BMP6: variants seen among roughly 807,000 people sequenced by gnomAD.
The protein encoded by BMP6 is bone morphogenetic protein 6.
In BMP6, 17 loss-of-function variants were observed where a neutral mutation model predicts 54.1. The ratio of observed to expected loss-of-function variants is 0.31; its 90% CI spans 0.22 to 0.47. The LOEUF (loss-of-function observed/expected upper bound fraction) is 0.47. BMP6 is among the 20% of genes least tolerant of loss of function. The pLI is 1.00. For missense variants in BMP6, 720 were observed against 690.4 expected (o/e 1.04, Z -0.48); for synonymous variants, 328 against 291.2 (o/e 1.13, Z -1.28).
At chr6:7,862,267 A>G (rs1759346215) in intron 3 of BMP6, 34 bp from the exon 4 acceptor site, 5 of 1,610,484 alleles carry the variant, frequency 3.1e-6, no homozygotes, top group Non-Finnish European at 3.4e-6. Flanking sequence ...GTTTCTGTGG[A>G]ATAAAGAGAT....
chr6:7,870,203 G>T (rs1192140556), intron 4 of BMP6, among the ~76,000 whole-genome samples: 1 of 152,194 alleles, frequency 6.6e-6, no homozygotes, highest in Non-Finnish European at 1.5e-5. Context: ...CTTGGGAGAG[G>T]GATTTCAGAG....
intron 4 of BMP6, among the ~76,000 whole-genome samples, chr6:7,866,061 T>A (rs1024191980): frequency 6.6e-6 from 1 of 152,250 alleles, no homozygotes; most frequent in Non-Finnish European, 1.5e-5. Flanking sequence ...TACTTGGCTT[T>A]CAAGCTGGAC....
intron 1 of BMP6, among the ~76,000 whole-genome samples, chr6:7,750,893 C>A (rs1474340035): frequency 1.3e-5 from 2 of 152,218 alleles, no homozygotes; most frequent in Non-Finnish European, 2.9e-5. Flanking sequence ...ATTCTGCCCA[C>A]CTTGCTTCTT....
chr6:7,857,148 G>A (rs191513518), intron 2 of BMP6, among the ~76,000 whole-genome samples: 10 of 152,150 alleles, frequency 6.6e-5, no homozygotes, highest in African/African-American at 2.4e-4. Flanking sequence ...GTGATGGGAG[G>A]GATATGCAGG....
chr6:7,836,818 T>G (rs755763148), intron 1 of BMP6, among the ~76,000 whole-genome samples: 18 of 152,348 alleles, frequency 1.2e-4, no homozygotes, highest in Admixed American at 1.1e-3. Flanking sequence ...AGCTCAGTCT[T>G]TGTATTACAA....
intron 1 of BMP6, among the ~76,000 whole-genome samples, chr6:7,749,412 C>A (rs189426694): frequency 6.6e-6 from 1 of 152,286 alleles, no homozygotes; most frequent in Admixed American, 6.5e-5. Context: ...TCCCTTCATT[C>A]CTATTTCCAC....
chr6:7,735,542 G>A (rs573651600), intron 1 of BMP6, among the ~76,000 whole-genome samples: 2 of 152,116 alleles, frequency 1.3e-5, no homozygotes, highest in South Asian at 2.1e-4. Flanking sequence ...CTCCCATATC[G>A]GAATAAGTTA....
chr6:7,764,400 TTA>T (rs1462025043), intron 1 of BMP6, among the ~76,000 whole-genome samples: 1 of 152,206 alleles, frequency 6.6e-6, no homozygotes, highest in African/African-American at 2.4e-5. Context: ...CAGCTTGTAT[TTA>T]TATCAGTTAT....
chr6:7,859,179 TG>T (rs1441886090), intron 2 of BMP6, among the ~76,000 whole-genome samples: 4 of 152,326 alleles, frequency 2.6e-5, no homozygotes, highest in African/African-American at 9.6e-5. Context: ...TGCTCTTCTC[TG>T]TTTTCCTCCT....
chr6:7,791,270 G>A (rs534082048), intron 1 of BMP6, among the ~76,000 whole-genome samples: 1 of 152,228 alleles, frequency 6.6e-6, no homozygotes, highest in African/African-American at 2.4e-5. Flanking sequence ...AACGACTTTG[G>A]ACGATCCTAA....
intron 1 of BMP6, among the ~76,000 whole-genome samples, chr6:7,764,060 G>A (rs936921367): frequency 3.3e-5 from 5 of 152,182 alleles, no homozygotes; most frequent in South Asian, 4.1e-4. Context: ...CAGTGAGAGC[G>A]CAGCAGGGGA....
At position 7,771,815 on chromosome 6, in the gene BMP6, G is replaced by A. The variant is rs142258503; in HGVS notation, c.664+44196G>A. On this transcript the variant is annotated intron_variant, in intron 1 of 6. Transcript: ENST00000283147. ...TGCCTGTAATCCCAGCACTTTGGGA[G>A]GCCGAGGCGGGTGGATCACCTGAGG... Among the ~76,000 whole-genome samples the A allele has an allele frequency of 3.0e-3, 461 of 152,274 alleles. 3 individuals are homozygous for A. Among genetic ancestry groups the A allele is most frequent in the African/African-American group, 0.01 (424 of 41,556 alleles).
chr6:7,802,884 G>A (rs571938314), intron 1 of BMP6, among the ~76,000 whole-genome samples: 3 of 152,208 alleles, frequency 2.0e-5, no homozygotes, highest in Non-Finnish European at 4.4e-5. Flanking sequence ...AGGGAAGGAG[G>A]GGGTCAGACA....
chr6:7,753,637 T>A (rs1678222038), intron 1 of BMP6, among the ~76,000 whole-genome samples: 1 of 152,232 alleles, frequency 6.6e-6, no homozygotes, highest in East Asian at 1.9e-4. Context: ...CATACTTCAA[T>A]GGCAGTGAGA....
intron 1 of BMP6, among the ~76,000 whole-genome samples, chr6:7,771,049 T>A (rs779829692): frequency 6.6e-6 from 1 of 152,186 alleles, no homozygotes; most frequent in South Asian, 2.1e-4. Context: ...TATAACTGAG[T>A]AGAATCTGTG....
chr6:7,770,133 A>G (rs1284569517), intron 1 of BMP6, among the ~76,000 whole-genome samples: 1 of 152,154 alleles, frequency 6.6e-6, no homozygotes, highest in Non-Finnish European at 1.5e-5. Context: ...AACTTCAAGA[A>G]TGAGCTTGGA....
chr6:7,831,297 G>A (rs541288647), intron 1 of BMP6, among the ~76,000 whole-genome samples: 11 of 152,210 alleles, frequency 7.2e-5, no homozygotes, highest in African/African-American at 2.7e-4. Context: ...CCAAGGCCGC[G>A]GGGGAGGAGG....
In BMP6 at chr6:7,746,114, T is replaced by C. The variant is rs987563261; in HGVS notation, c.664+18495T>C. On this transcript the variant is annotated intron_variant, in intron 1 of 6. Coordinates refer to ENST00000283147, the MANE Select transcript of BMP6 (RefSeq NM_001718.6). Reference sequence around the variant, plus strand: ...GGCAAAGGCATTCCCGCCGGAGGAATGCATCAGGGGCAGTGTTGATTCGAT... The same window carrying C: ...GGCAAAGGCATTCCCGCCGGAGGAACGCATCAGGGGCAGTGTTGATTCGAT... Among the ~76,000 whole-genome samples the C allele has an allele frequency of 5.9e-4, 90 of 152,162 alleles. 1 individual carries two copies. The highest frequency in any genetic ancestry group is 5.0e-3 in the Admixed American group (77 of 15,280).
At chr6:7,839,834 A>G (rs1470177980) in intron 1 of BMP6, among the ~76,000 whole-genome samples, 3 of 152,240 alleles carry the variant, frequency 2.0e-5, no homozygotes, top group Non-Finnish European at 2.9e-5. Flanking sequence ...CAGAAAGATA[A>G]TTGCTGGATC....
Sources: gnomAD v4.1 joint callset for allele counts (sites outside exome capture counted in the v4.1 genomes callset) on GRCh38, gnomAD v4.1.1 for gene constraint, MANE v1.5 for transcripts, NCBI Gene and HGNC (gene_info 2026-07-23, HGNC 2026-07-21) for gene names.